The following LAMA5 variants were observed in gnomAD, a reference collection of about 807,000 sequenced individuals.
LAMA5 encodes laminin subunit alpha 5, also known as laminin subunit alpha-5.
LAMA5 carries 260 observed loss-of-function variants against 433.4 expected under a neutral mutation model. That is an observed-to-expected ratio of 0.60 (90% CI 0.54 to 0.66). The LOEUF is 0.66. Ranked by LOEUF, LAMA5 falls within the 30% of genes least tolerant of loss-of-function variation. The pLI, the probability that LAMA5 is intolerant of heterozygous loss-of-function variation, is 0.00. For missense variants in LAMA5, 5,378 were observed against 5,258.5 expected (o/e 1.02, Z -0.70); for synonymous variants, 2,620 against 2,226.6 (o/e 1.18, Z -4.97).
Position 62,317,335 on chromosome 20 carries a change from G to A in LAMA5, c.7511+10C>T, listed in dbSNP as rs1392113608. 3 of 1,600,440 alleles carry A rather than the reference G, an allele frequency of 1.9e-6. No homozygotes were observed. The highest frequency in any genetic ancestry group is 2.2e-5 in the East Asian group (1 of 44,502). On this transcript the variant is annotated intron_variant, in intron 55 of 79. Coordinates refer to ENST00000252999, the MANE Select transcript of LAMA5 (RefSeq NM_005560.6). Reference sequence around the variant, plus strand: ...GTGGGCCCAGGGCCCCTCCTCTCCTGGCCACCCACCTGGACAGATTGAGTG... The same window carrying A: ...GTGGGCCCAGGGCCCCTCCTCTCCTAGCCACCCACCTGGACAGATTGAGTG...
In LAMA5 at chr20:62,327,366, C is replaced by A; in HGVS notation, c.4979G>T (p.Arg1660Leu). ...MEGWVLLSTDRQVVPHERQPG... is the reference protein window; with the variant it reads ...MEGWVLLSTDLQVVPHERQPG... The stretch of plus-strand genomic sequence containing the variant: ...CTGCCGCTCGTGGGGCACCACCTGC[C>A]GGTCAGTGCTCAGCAGCACCCATCC... Residue 1660 changes from arginine (R) to leucine (L), a missense_variant, in exon 38 of 80, where the codon CGG becomes CTG. Arg to Leu is a moderately radical substitution (Grantham distance 102). Transcript: ENST00000252999. 3 of 1,598,152 alleles carry A rather than the reference C, an allele frequency of 1.9e-6. No individual in the cohort carries two copies. The South Asian group carries it at 3.4e-5, about 18-fold the overall frequency.
Position 62,333,571 on chromosome 20 carries a change from A to ACCC in LAMA5, c.3011_3013dup (p.Gly1004dup). On this transcript the variant is annotated inframe_insertion, in exon 24 of 80. Transcript: ENST00000252999. Reference sequence around the variant, plus strand: ...CTCTGGCCCCTGCCTCACCAGGAGCACCCCTTCGGCCTCCACACGCAGGGC... The same window carrying ACCC: ...CTCTGGCCCCTGCCTCACCAGGAGCACCCCCCCTTCGGCCTCCACACGCAGGGC... 4.5e-6 allele frequency: 7 copies of ACCC among 1,565,232 alleles called. No homozygotes were observed. Among genetic ancestry groups the ACCC allele is most frequent in the Non-Finnish European group, 6.1e-6 (7 of 1,155,166 alleles).
At chr20:62,351,675 A>C (rs1984314497) in intron 6 of LAMA5, 29 bp downstream of exon 6, 1 of 1,595,210 alleles carries the variant, frequency 6.3e-7, no homozygotes. Context: ...GCCTCACCTG[A>C]ACGGGGCCTC....
At chr20:62,323,423 C>T (rs1256821610) in intron 45 of LAMA5, 33 bp downstream of exon 45, 2 of 1,497,158 alleles carry the variant, frequency 1.3e-6, no homozygotes, top group African/African-American at 1.4e-5. Flanking sequence ...CGCAACCCTC[C>T]CCAGGGTGCA....
intron 11 of LAMA5, among the ~76,000 whole-genome samples, chr20:62,341,006 G>A (rs1444087137): frequency 5.3e-5 from 8 of 151,674 alleles, no homozygotes; most frequent in South Asian, 4.2e-4. Flanking sequence ...GCAACTGGAC[G>A]CCAGCCTGGG....
At chr20:62,341,422 G>A (rs1568958279) in intron 11 of LAMA5, among the ~76,000 whole-genome samples, 2 of 152,190 alleles carry the variant, frequency 1.3e-5, no homozygotes, top group African/African-American at 2.4e-5. Flanking sequence ...AGTCCAGGCT[G>A]GATAACTCTT....
intron 11 of LAMA5, 118 bp from the exon 12 acceptor site, chr20:62,338,726 T>A: frequency 2.8e-6 from 3 of 1,058,410 alleles, no homozygotes; most frequent in Non-Finnish European, 4.0e-6. Flanking sequence ...CAACACTAAC[T>A]AGAAAATAAA....
In LAMA5 at chr20:62,351,697, G is replaced by A; in HGVS notation, c.956+7C>T. On this transcript the variant is annotated splice_region_variant and intron_variant, in intron 6 of 79. Coordinates refer to ENST00000252999, the MANE Select transcript of LAMA5 (RefSeq NM_005560.6). ...CTGAACGGGGCCTCACCTGAATGGGGCCTCACCTGAACGGGTCCGTGGGGT... is the reference window on the plus strand; with the variant it reads ...CTGAACGGGGCCTCACCTGAATGGGACCTCACCTGAACGGGTCCGTGGGGT... The A allele has an allele frequency of 6.2e-7, 1 of 1,609,280 alleles. No homozygotes were observed. The highest frequency in any genetic ancestry group is 8.5e-7 in the Non-Finnish European group (1 of 1,179,080).
intron 12 of LAMA5, 35 bp downstream of exon 12, chr20:62,338,433 C>A (rs768608888): frequency 1.2e-6 from 2 of 1,607,716 alleles, no homozygotes; most frequent in Non-Finnish European, 1.7e-6. Flanking sequence ...CCACCTCGAG[C>A]GCAGGTAGAG....
chr20:62,337,287 C>T (rs1245441966), intron 16 of LAMA5, among the ~76,000 whole-genome samples: 1 of 152,186 alleles, frequency 6.6e-6, no homozygotes, highest in African/African-American at 2.4e-5. Flanking sequence ...ACACAGGCAC[C>T]CACACTTAGG....
chr20:62,351,570 T>A (rs1361990354), intron 6 of LAMA5, 134 bp downstream of exon 6: 4 of 793,740 alleles, frequency 5.0e-6, no homozygotes, highest in Non-Finnish European at 6.2e-6. Context: ...TCAGTGCAGG[T>A]CACACAGACA....
chr20:62,337,193 G>A (rs199605012), intron 16 of LAMA5, among the ~76,000 whole-genome samples: 12 of 151,884 alleles, frequency 7.9e-5, no homozygotes, highest in Admixed American at 5.9e-4. Context: ...CCACTTATGC[G>A]ATACGCGCAC....
At position 62,311,311 on chromosome 20, in the gene LAMA5, G is replaced by C; in HGVS notation, c.9943-4C>G. 6.4e-7 allele frequency: 1 copy of C among 1,565,104 alleles called. No homozygotes were observed. Among genetic ancestry groups the C allele is most frequent in the Non-Finnish European group, 8.6e-7 (1 of 1,158,814 alleles). On this transcript the variant is annotated splice_polypyrimidine_tract_variant and splice_region_variant and intron_variant, in intron 72 of 79. Transcript: ENST00000252999. ...GCTGACGGCTGCGGCGGGAGGCCTGGGGGCGTGGATGGTGAATGCAGGGGC... is the reference window on the plus strand; with the variant it reads ...GCTGACGGCTGCGGCGGGAGGCCTGCGGGCGTGGATGGTGAATGCAGGGGC...
chr20:62,360,702 G>A (rs897718998), intron 2 of LAMA5, among the ~76,000 whole-genome samples: 17 of 151,372 alleles, frequency 1.1e-4, no homozygotes, highest in African/African-American at 4.1e-4. Flanking sequence ...AGGTGGAGTG[G>A]AAAGGGTTCC....
chr20:62,318,510 T>C lies in LAMA5; in HGVS notation c.7183A>G (p.Thr2395Ala). The C allele has an allele frequency of 6.2e-7, 1 of 1,609,176 alleles. No homozygotes were observed. The change falls in exon 53 of 80, where the codon ACA becomes GCA. Residue 2395 changes from threonine to alanine, a missense_variant. Transcript: ENST00000252999. ...CTGTTGAGCTCCTGGGCCTCCCGTGTGGCGTCCACTGCCCGGTTCAAAGCC... is the reference window on the plus strand; with the variant it reads ...CTGTTGAGCTCCTGGGCCTCCCGTGCGGCGTCCACTGCCCGGTTCAAAGCC... ...REALNRAVDA[T>A]REAQELNSRN... is the part of the protein sequence containing the mutation.
intron 19 of LAMA5, 28 bp from the exon 20 acceptor site, chr20:62,335,154 G>T: frequency 6.2e-7 from 1 of 1,612,544 alleles, no homozygotes; most frequent in Non-Finnish European, 8.5e-7. Context: ...AGGTGAAGTG[G>T]GGCAGGGGAG....
intron 11 of LAMA5, among the ~76,000 whole-genome samples, chr20:62,341,099 C>T (rs1451296701): frequency 2.0e-5 from 3 of 150,980 alleles, no homozygotes; most frequent in Non-Finnish European, 4.4e-5. Context: ...AAATAAAAGT[C>T]GTCACATTCT....
chr20:62,349,065 C>T (rs751439431), intron 6 of LAMA5, among the ~76,000 whole-genome samples: 9 of 151,920 alleles, frequency 5.9e-5, no homozygotes, highest in Middle Eastern at 6.8e-3. Context: ...GTCAGGAGAT[C>T]GAGACCATCT....
At chr20:62,365,575 A>T (rs1320781907) in intron 1 of LAMA5, among the ~76,000 whole-genome samples, 1 of 152,164 alleles carries the variant, frequency 6.6e-6, no homozygotes, top group African/African-American at 2.4e-5. Flanking sequence ...TCAGCTGGGG[A>T]CACTCAGCCA....
Sources: gnomAD v4.1 joint callset for allele counts (sites outside exome capture counted in the v4.1 genomes callset) on GRCh38, gnomAD v4.1.1 for gene constraint, MANE v1.5 for transcripts, NCBI Gene and HGNC (gene_info 2026-07-23, HGNC 2026-07-21) for gene names.